The following MSRA variants were observed in gnomAD, a reference collection of about 807,000 sequenced individuals.
MSRA encodes the protein mitochondrial peptide methionine sulfoxide reductase.
In MSRA, 54 loss-of-function variants were observed where a neutral mutation model predicts 31.3. The ratio of observed to expected loss-of-function variants is 1.73; its 90% CI spans 1.39 to 2.17. The LOEUF (loss-of-function observed/expected upper bound fraction) is 2.17, where lower values mean the gene tolerates loss of function less well. Ranked by LOEUF, MSRA falls within the 30% of genes most tolerant of loss-of-function variation. MSRA has a pLI of 0.00. For synonymous variants in MSRA, 169 were observed against 116.5 expected (o/e 1.45, Z -2.90); for missense variants, 507 against 300.9 (o/e 1.69, Z -5.07).
intron 3 of MSRA, among the ~76,000 whole-genome samples, chr8:10,255,540 C>G (rs1056806559): frequency 3.3e-5 from 5 of 152,168 alleles, no homozygotes; most frequent in African/African-American, 9.7e-5. Flanking sequence ...ACCAGTGCCC[C>G]TGTCAGCAGA....
At chr8:10,094,473 C>T (rs144360658) in intron 1 of MSRA, among the ~76,000 whole-genome samples, 1,840 of 152,248 alleles carry the variant, frequency 0.012, 20 homozygotes, top group South Asian at 0.039. Flanking sequence ...TGTGCATAAA[C>T]GTAGTAGTTT....
At chr8:10,170,827 C>T (rs999631028) in intron 1 of MSRA, among the ~76,000 whole-genome samples, 1 of 152,196 alleles carries the variant, frequency 6.6e-6, no homozygotes, top group Non-Finnish European at 1.5e-5. Flanking sequence ...GTACTCTGTC[C>T]AATCAGCCCA....
intron 5 of MSRA, among the ~76,000 whole-genome samples, chr8:10,406,798 C>G (rs1352063252): frequency 6.6e-6 from 1 of 152,230 alleles, no homozygotes; most frequent in Non-Finnish European, 1.5e-5. Context: ...CTTTCTAGGC[C>G]CTAGGAACCA....
intron 1 of MSRA, among the ~76,000 whole-genome samples, chr8:10,114,764 G>A (rs1186691752): frequency 6.6e-6 from 1 of 152,032 alleles, no homozygotes; most frequent in Non-Finnish European, 1.5e-5. Context: ...AAGAAAGGAA[G>A]CCTTAAATTA....
At chr8:10,096,926 C>G (rs986763875) in intron 1 of MSRA, among the ~76,000 whole-genome samples, 1 of 151,858 alleles carries the variant, frequency 6.6e-6, no homozygotes, top group Non-Finnish European at 1.5e-5. Context: ...TTTTATATGC[C>G]GAAAGAATAC....
intron 1 of MSRA, among the ~76,000 whole-genome samples, chr8:10,180,909 T>C (rs1244109170): frequency 6.6e-6 from 1 of 152,220 alleles, no homozygotes; most frequent in African/African-American, 2.4e-5. Flanking sequence ...TTTTTGAAAT[T>C]GGAAAATTCT....
intron 3 of MSRA, among the ~76,000 whole-genome samples, chr8:10,283,484 G>C (rs1391043647): frequency 6.6e-6 from 1 of 151,750 alleles, no homozygotes; most frequent in Non-Finnish European, 1.5e-5. Context: ...GGTGGTATTT[G>C]GTTACATGAG....
chr8:10,407,813 T>A (rs1807911757), intron 5 of MSRA, among the ~76,000 whole-genome samples: 1 of 152,216 alleles, frequency 6.6e-6, no homozygotes, highest in Non-Finnish European at 1.5e-5. Flanking sequence ...ATCAAAATTC[T>A]TGCTTGCTCC....
At chr8:10,393,061 CAAAAAAAAAAA>C (rs768294679) in intron 5 of MSRA, among the ~76,000 whole-genome samples, 1 of 77,698 alleles carries the variant, frequency 1.3e-5, no homozygotes, top group Non-Finnish European at 2.3e-5. Flanking sequence ...GACTCCGTCT[CAAAAAAAAAAA>C]AAAAAAAAAA....
At chr8:10,165,015 G>GA (rs1474721194) in intron 1 of MSRA, among the ~76,000 whole-genome samples, 1 of 152,048 alleles carries the variant, frequency 6.6e-6, no homozygotes, top group African/African-American at 2.4e-5. Flanking sequence ...GCGACAGAGT[G>GA]AAAAAACAAC....
intron 1 of MSRA, among the ~76,000 whole-genome samples, chr8:10,087,177 A>G (rs11774162): frequency 0.019 from 2,909 of 152,282 alleles, 39 homozygotes; most frequent in Non-Finnish European, 0.029. Context: ...ATGTGCCTCT[A>G]TATTTCCCAG....
Position 10,131,176 on chromosome 8 carries a change from T to C in MSRA, c.142+76518T>C, listed in dbSNP as rs543461651. Among the ~76,000 whole-genome samples, 3 of 152,354 alleles carry C rather than the reference T, an allele frequency of 2.0e-5. No homozygotes were observed. In the South Asian group the frequency reaches 6.2e-4, roughly 32 times the overall value. On this transcript the variant is annotated intron_variant, in intron 1 of 5. Coordinates refer to ENST00000317173, the MANE Select transcript of MSRA (RefSeq NM_012331.5). ...TGTGGATACAAAGGGGAATCCTCTGTGGATTCTTCTCTCTGGAAGCTTGCC... is the reference window on the plus strand; with the variant it reads ...TGTGGATACAAAGGGGAATCCTCTGCGGATTCTTCTCTCTGGAAGCTTGCC...
intron 1 of MSRA, among the ~76,000 whole-genome samples, chr8:10,067,032 G>T (rs116454640): frequency 1.2e-3 from 182 of 152,200 alleles, no homozygotes; most frequent in African/African-American, 4.2e-3. Flanking sequence ...ACTAAAGTCT[G>T]TAGTTTACAT....
chr8:10,245,416 C>T (rs1235148607), intron 3 of MSRA, among the ~76,000 whole-genome samples, 193 bp downstream of exon 3: 3 of 152,200 alleles, frequency 2.0e-5, no homozygotes, highest in Non-Finnish European at 2.9e-5. Context: ...CTGTGGAGTG[C>T]ACCATTTAGC....
intron 4 of MSRA, 29 bp from the exon 5 acceptor site, chr8:10,319,854 G>A (rs779232454): frequency 4.9e-6 from 7 of 1,418,464 alleles, no homozygotes; most frequent in South Asian, 1.6e-5. Context: ...TAGTGACCGG[G>A]TAACCCTCCC....
At chr8:10,076,502 A>C (rs935789113) in intron 1 of MSRA, among the ~76,000 whole-genome samples, 4 of 152,204 alleles carry the variant, frequency 2.6e-5, no homozygotes, top group African/African-American at 9.7e-5. Flanking sequence ...ACCTCTTGGG[A>C]AAAGATTCTC....
chr8:10,303,997 G>C (rs1045725460), intron 4 of MSRA, among the ~76,000 whole-genome samples: 2 of 152,238 alleles, frequency 1.3e-5, no homozygotes, highest in African/African-American at 2.4e-5. Flanking sequence ...GTGCAGTGGC[G>C]TGATCGCGTC....
intron 5 of MSRA, among the ~76,000 whole-genome samples, chr8:10,372,305 G>A (rs954001932): frequency 6.6e-6 from 1 of 152,192 alleles, no homozygotes; most frequent in Non-Finnish European, 1.5e-5. Context: ...CTCATTGAGC[G>A]GAAAGTGCTC....
chr8:10,279,131 A>G (rs1394798300), intron 3 of MSRA, among the ~76,000 whole-genome samples: 1 of 152,146 alleles, frequency 6.6e-6, no homozygotes, highest in African/African-American at 2.4e-5. Context: ...TGGCTGCATG[A>G]TCTTGCGTAT....
Sources: gnomAD v4.1 joint callset for allele counts (sites outside exome capture counted in the v4.1 genomes callset) on GRCh38, gnomAD v4.1.1 for gene constraint, MANE v1.5 for transcripts, NCBI Gene and HGNC (gene_info 2026-07-23, HGNC 2026-07-21) for gene names.